The following NAV3 variants were observed in gnomAD, a reference collection of about 807,000 sequenced individuals.
The protein encoded by NAV3 is neuron navigator 3, also known as pore membrane and/or filament interacting like protein 1.
In NAV3, 87 loss-of-function variants were observed where a neutral mutation model predicts 244.7. That is an observed-to-expected ratio of 0.36 (90% CI 0.30 to 0.42). The LOEUF (loss-of-function observed/expected upper bound fraction) is 0.42. Ranked by LOEUF, NAV3 falls within the 20% of genes least tolerant of loss-of-function variation. NAV3 has a pLI of 1.00. For synonymous variants in NAV3, 1,126 were observed against 1,042.2 expected (o/e 1.08, Z -1.55); for missense variants, 2,663 against 2,893.3 (o/e 0.92, Z 1.83).
chr12:77,957,554 G>T (rs1365044460), intron 3 of NAV3, among the ~76,000 whole-genome samples: 2 of 152,152 alleles, frequency 1.3e-5, no homozygotes, highest in South Asian at 2.1e-4. Flanking sequence ...ATGCTAAAAG[G>T]CTGGCTGTAA....
At chr12:78,050,687 C>T in intron 10 of NAV3, 77 bp from the exon 11 acceptor site, 2 of 1,463,930 alleles carry the variant, frequency 1.4e-6, no homozygotes, top group Non-Finnish European at 1.8e-6. Context: ...CAACTCCAGC[C>T]TTTTCTGTCT....
chr12:77,814,906 C>A (rs780076847), intron 2 of NAV3, among the ~76,000 whole-genome samples: 1 of 151,912 alleles, frequency 6.6e-6, no homozygotes, highest in Non-Finnish European at 1.5e-5. Flanking sequence ...ATATTTTTTT[C>A]TTTTTTCTAA....
intron 2 of NAV3, among the ~76,000 whole-genome samples, chr12:77,698,584 A>G (rs1875419415): frequency 6.6e-6 from 1 of 152,152 alleles, no homozygotes; most frequent in South Asian, 2.1e-4. Context: ...GATTATTTGT[A>G]GATTAAGTAG....
upstream of NAV3, among the ~76,000 whole-genome samples, chr12:77,827,870 A>T (rs1422254579): frequency 6.6e-6 from 1 of 152,218 alleles, no homozygotes; most frequent in Non-Finnish European, 1.5e-5. Context: ...ACTAGGAAGT[A>T]AGGAAGCAGA....
At chr12:77,719,526 T>G (rs1225754224) in intron 2 of NAV3, among the ~76,000 whole-genome samples, 1 of 152,166 alleles carries the variant, frequency 6.6e-6, no homozygotes, top group Non-Finnish European at 1.5e-5. Context: ...GGTGTTGAAT[T>G]TTGTCAAATG....
chr12:77,855,000 G>T (rs529681611), intron 1 of NAV3, among the ~76,000 whole-genome samples: 2 of 152,022 alleles, frequency 1.3e-5, no homozygotes, highest in Non-Finnish European at 1.5e-5. Flanking sequence ...GGTGGCGGGC[G>T]CCTGTAGTCC....
rs376842506 is a variant in NAV3 at position 77,726,055 on chromosome 12, T to A, written c.72+153789T>A. 5.9e-4 allele frequency among the ~76,000 whole-genome samples: 71 copies of A among 121,132 alleles called. No homozygotes were observed. In the South Asian group the frequency reaches 0.022, roughly 38 times the overall value. The allele number at this position is 121,132 out of a possible 152,430, so 79.5% of individuals were successfully genotyped here. ...CCAGGACAAACTCCTTACTTTGAGG[T>A]CAACCGATTAGCAATCTTAATTTTC... On this transcript the variant is annotated intron_variant, in intron 2 of 8. Transcript: ENST00000550042.
chr12:77,849,471 C>G (rs1877161956), intron 1 of NAV3, among the ~76,000 whole-genome samples: 1 of 152,012 alleles, frequency 6.6e-6, no homozygotes, highest in South Asian at 2.1e-4. Context: ...AACATGACAC[C>G]ACACATGGAA....
chr12:77,589,344 T>G (rs911919652), intron 2 of NAV3, among the ~76,000 whole-genome samples: 3 of 126,240 alleles, frequency 2.4e-5, no homozygotes, highest in African/African-American at 9.5e-5. Context: ...CTTCCACATT[T>G]TCAAGTATCT....
chr12:77,803,221 A>G (rs147596746), intron 2 of NAV3, among the ~76,000 whole-genome samples: 2 of 152,096 alleles, frequency 1.3e-5, no homozygotes, highest in East Asian at 3.9e-4. Flanking sequence ...TATTTCTCCT[A>G]CACCCATCAA....
intron 21 of NAV3, 50 bp from the exon 22 acceptor site, chr12:78,148,792 T>C: frequency 6.5e-7 from 1 of 1,530,710 alleles, no homozygotes; most frequent in Non-Finnish European, 9.0e-7. Context: ...TTCTGGGTTT[T>C]AAGTAAAAAT....
chr12:78,154,316 T>TATATTACTATATAATATATA (rs1565731427), intron 22 of NAV3, among the ~76,000 whole-genome samples: 2 of 90,356 alleles, frequency 2.2e-5, no homozygotes, highest in Non-Finnish European at 4.7e-5. Context: ...ATATATAGTA[T>TATATTACTATATAATATATA]ATATATAGTA....
intron 38 of NAV3, among the ~76,000 whole-genome samples, 154 bp downstream of exon 38, chr12:78,200,745 T>C (rs1328709283): frequency 1.3e-5 from 2 of 151,952 alleles, no homozygotes; most frequent in East Asian, 3.9e-4. Flanking sequence ...AGCAAATAGT[T>C]TGTAATATTT....
chr12:78,083,773 A>C (rs1443390533), intron 12 of NAV3, among the ~76,000 whole-genome samples: 1 of 152,202 alleles, frequency 6.6e-6, no homozygotes, highest in Non-Finnish European at 1.5e-5. Flanking sequence ...GGCTCCAAGA[A>C]TAATATAATC....
intron 9 of NAV3, among the ~76,000 whole-genome samples, chr12:78,044,915 C>T (rs1208493335): frequency 6.6e-6 from 1 of 152,118 alleles, no homozygotes; most frequent in African/African-American, 2.4e-5. Context: ...TCTAAATGCA[C>T]TTTATTTCTT....
Position 78,103,709 on chromosome 12 carries a change from A to G in NAV3, c.2637-13063A>G, listed in dbSNP as rs934761175. 2.0e-5 allele frequency among the ~76,000 whole-genome samples: 3 copies of G among 152,344 alleles called. No individual in the cohort carries two copies. The South Asian group carries it at 6.2e-4, about 32-fold the overall frequency. On this transcript the variant is annotated intron_variant, in intron 12 of 39. Coordinates refer to ENST00000397909, the MANE Select transcript of NAV3 (RefSeq NM_001024383.2). ...AGGCATTTCTTACATGATGGCAGCA[A>G]GAGAAAATGAGGAAGATGCAAACGC...
intron 1 of NAV3, among the ~76,000 whole-genome samples, chr12:77,903,175 C>T (rs1244767999): frequency 1.3e-5 from 2 of 152,182 alleles, no homozygotes; most frequent in South Asian, 2.1e-4. Flanking sequence ...AAACAGAGCC[C>T]GCATCGCCAA....
intron 12 of NAV3, among the ~76,000 whole-genome samples, chr12:78,089,873 T>C (rs1953832184): frequency 6.6e-6 from 1 of 152,166 alleles, no homozygotes; most frequent in Non-Finnish European, 1.5e-5. Context: ...AACCTTGATC[T>C]CCAGATGGGC....
intron 2 of NAV3, among the ~76,000 whole-genome samples, chr12:77,787,491 T>A (rs1870959414): frequency 6.6e-6 from 1 of 152,092 alleles, no homozygotes; most frequent in Non-Finnish European, 1.5e-5. Context: ...AGCAAACACA[T>A]CCTTCTTCAC....
Sources: allele counts gnomAD v4.1 joint callset (sites outside exome capture counted in the v4.1 genomes callset), GRCh38; gene constraint gnomAD v4.1.1; transcripts MANE v1.5; gene names NCBI Gene and HGNC (gene_info 2026-07-23, HGNC 2026-07-21).